The following ANO5 variants were observed in gnomAD, a reference collection of about 807,000 sequenced individuals.
The protein encoded by ANO5 is anoctamin 5, also known as anoctamin-5.
ANO5 carries 109 observed loss-of-function variants against 121.0 expected under a neutral mutation model. The ratio of observed to expected loss-of-function variants is 0.90; its 90% CI spans 0.77 to 1.06. The LOEUF (loss-of-function observed/expected upper bound fraction) is 1.06, where lower values mean the gene tolerates loss of function less well. Among genes scored for constraint, ANO5 ranks in the 50% least tolerant of loss-of-function variants. ANO5 has a pLI of 0.00. For synonymous variants in ANO5, 406 were observed against 359.9 expected (o/e 1.13, Z -1.45); for missense variants, 1,064 against 1,078.5 (o/e 0.99, Z 0.19).
At position 22,280,948 on chromosome 11, in the gene ANO5, A is replaced by G. The variant is rs1195176658; in HGVS notation, c.*1183A>G. On this transcript the variant is annotated 3_prime_UTR_variant, in exon 22 of 22. Coordinates refer to ENST00000324559, the MANE Select transcript of ANO5 (RefSeq NM_213599.3). ...AAAACCAAAAGTGAATCAACCAACT[A>G]AGAATGAGTTCATGGACTTAATAAT... The G allele has an allele frequency of 6.6e-6, 1 of 152,016 alleles. No individual in the cohort carries two copies. Among genetic ancestry groups the G allele is most frequent in the African/African-American group, 2.4e-5 (1 of 41,448 alleles). The allele number at this position is 152,016 out of a possible 1,614,324, so 9.4% of individuals were successfully genotyped here.
intron 19 of ANO5, among the ~76,000 whole-genome samples, chr11:22,273,689 C>A (rs190770329): frequency 1.3e-4 from 20 of 151,928 alleles, no homozygotes; most frequent in Admixed American, 1.2e-3. Flanking sequence ...AAGATGTAAT[C>A]AGAAATAATC....
At chr11:22,194,874 A>G (rs1040175034) in intron 1 of ANO5, among the ~76,000 whole-genome samples, 1 of 152,202 alleles carries the variant, frequency 6.6e-6, no homozygotes, top group African/African-American at 2.4e-5. Context: ...TTTTGCTTCT[A>G]TGAATAATGC....
intron 9 of ANO5, among the ~76,000 whole-genome samples, chr11:22,240,809 A>C (rs76631594): frequency 4.9e-5 from 1 of 20,408 alleles, no homozygotes; most frequent in Non-Finnish European, 4.1e-4. Context: ...AAGCAGAAAC[A>C]TTTTTTTTTC....
intron 19 of ANO5, among the ~76,000 whole-genome samples, chr11:22,273,237 G>GCAGA (rs1303726138): frequency 6.6e-6 from 1 of 151,986 alleles, no homozygotes; most frequent in Non-Finnish European, 1.5e-5. Context: ...ATGTGACAAA[G>GCAGA]CAGACAGAAA....
intron 1 of ANO5, among the ~76,000 whole-genome samples, chr11:22,200,590 G>A (rs1256855995): frequency 6.6e-6 from 1 of 152,124 alleles, no homozygotes; most frequent in Non-Finnish European, 1.5e-5. Context: ...GAGAGTGCAT[G>A]ATGGTGGAGA....
chr11:22,230,721 G>C (rs1853012464), intron 7 of ANO5, among the ~76,000 whole-genome samples: 1 of 151,772 alleles, frequency 6.6e-6, no homozygotes, highest in Non-Finnish European at 1.5e-5. Context: ...TGCAAACCGG[G>C]TCCTCTCCTA....
intron 4 of ANO5, among the ~76,000 whole-genome samples, chr11:22,218,776 T>G (rs1269311082): frequency 2.0e-5 from 3 of 151,982 alleles, no homozygotes; most frequent in Non-Finnish European, 2.9e-5. Context: ...TTGTCCAGGC[T>G]GGTCTTGAAC....
intron 1 of ANO5, among the ~76,000 whole-genome samples, chr11:22,196,095 A>G (rs562840205): frequency 6.6e-6 from 1 of 152,170 alleles, no homozygotes; most frequent in South Asian, 2.1e-4. Context: ...ATCTTAGCCT[A>G]CTTTTTTTTA....
chr11:22,217,707 C>T (rs758600591), intron 3 of ANO5, among the ~76,000 whole-genome samples: 17 of 151,738 alleles, frequency 1.1e-4, no homozygotes, highest in Non-Finnish European at 1.8e-4. Context: ...CATGTTCTCA[C>T]TGATAAGTGG....
At chr11:22,273,903 T>C (rs1854729524) in intron 19 of ANO5, among the ~76,000 whole-genome samples, 1 of 152,082 alleles carries the variant, frequency 6.6e-6, no homozygotes, top group Non-Finnish European at 1.5e-5. Context: ...ATAGAAAGCC[T>C]GAATGTACCA....
intron 9 of ANO5, among the ~76,000 whole-genome samples, chr11:22,244,507 G>A (rs986470871): frequency 1.0e-4 from 15 of 149,818 alleles, no homozygotes; most frequent in African/African-American, 3.4e-4. Context: ...TTACTTTCCT[G>A]TCTCAGGAAT....
chr11:22,243,214 C>A (rs1009586638), intron 9 of ANO5, among the ~76,000 whole-genome samples: 3 of 152,034 alleles, frequency 2.0e-5, no homozygotes, highest in African/African-American at 7.2e-5. Flanking sequence ...TGGTGAATCA[C>A]ATTTACTTAT....
chr11:22,241,610 G>A (rs4353275), intron 9 of ANO5, among the ~76,000 whole-genome samples: 22,138 of 151,872 alleles, frequency 0.15, 4,696 homozygotes, highest in African/African-American at 0.46. Context: ...GATGTTATCT[G>A]ATTGCGGTTT....
intron 10 of ANO5, 97 bp from the exon 11 acceptor site, chr11:22,250,644 T>C (rs1366966809): frequency 8.0e-7 from 1 of 1,245,758 alleles, no homozygotes; most frequent in African/African-American, 1.5e-5. Context: ...TTCTGTTATA[T>C]GTGAGAAGTT....
chr11:22,279,397 T>A, intron 21 of ANO5, 147 bp from the exon 22 acceptor site: 2 of 669,786 alleles, frequency 3.0e-6, no homozygotes, highest in South Asian at 3.6e-5. Flanking sequence ...GTATGAAAGT[T>A]CTAGGACAGA....
chr11:22,244,098 A>G (rs1254702875), intron 9 of ANO5, among the ~76,000 whole-genome samples: 1 of 152,024 alleles, frequency 6.6e-6, no homozygotes, highest in African/African-American at 2.4e-5. Context: ...AGCCGTGTCT[A>G]GTGGTAAAAA....
rs373292041 is a variant in ANO5 at position 22,274,618 on chromosome 11, A to G, written c.2285A>G (p.Tyr762Cys). ...GACATCATTCCCCGTCTAGTTTACT[A>G]CTATGCTTACTCAACAAATGCCACA... is the stretch of plus-strand genomic sequence containing the variant. ...TSDIIPRLVY[Y>C]YAYSTNATQP... is the part of the protein sequence containing the mutation. The change falls in exon 20 of 22, where the codon TAC becomes TGC. Residue 762 changes from tyrosine (Y) to cysteine (C), a missense_variant. Tyr to Cys is a radical substitution (Grantham distance 194, BLOSUM62 -2). Transcript: ENST00000324559. The G allele has an allele frequency of 3.1e-6, 5 of 1,612,658 alleles. No individual in the cohort carries two copies. Among genetic ancestry groups the G allele is most frequent in the African/African-American group, 1.3e-5 (1 of 74,732 alleles).
intron 5 of ANO5, among the ~76,000 whole-genome samples, chr11:22,222,750 A>AT (rs1233001439): frequency 6.6e-6 from 1 of 152,000 alleles, no homozygotes; most frequent in East Asian, 1.9e-4. Context: ...GCCAGCACAC[A>AT]TGCAGAAAGG....
At chr11:22,220,336 C>T (rs1852599358) in intron 4 of ANO5, among the ~76,000 whole-genome samples, 1 of 151,898 alleles carries the variant, frequency 6.6e-6, no homozygotes, top group South Asian at 2.1e-4. Context: ...TAAATAAAAC[C>T]AAATCAGTCA....
Sources: gnomAD v4.1 joint callset for allele counts (sites outside exome capture counted in the v4.1 genomes callset) on GRCh38, gnomAD v4.1.1 for gene constraint, MANE v1.5 for transcripts, NCBI Gene and HGNC (gene_info 2026-07-23, HGNC 2026-07-21) for gene names.